Variants in DCC observed in about 807,000 individuals in gnomAD.
DCC encodes netrin receptor DCC.
In DCC, 58 loss-of-function variants were observed where a neutral mutation model predicts 172.5. The ratio of observed to expected loss-of-function variants is 0.34; its 90% confidence interval spans 0.27 to 0.42. DCC has a LOEUF of 0.42. Among genes scored for constraint, DCC ranks in the 10% least tolerant of loss-of-function variants. The pLI is 1.00. For missense variants in DCC, 1,740 were observed against 1,791.0 expected, an observed-to-expected ratio of 0.97 and a Z score of 0.51; for synonymous variants, 709 against 644.5, an observed-to-expected ratio of 1.10 and a Z score of -1.52.
chr18:52,725,773 T>C (rs919053950), intron 1 of DCC, among the ~76,000 whole-genome samples: 3 of 152,136 alleles, frequency 2.0e-5, no homozygotes, highest in Admixed American at 2.0e-4. Context: ...GATAAGGCAA[T>C]TGAGATAGGA....
intron 2 of DCC, among the ~76,000 whole-genome samples, chr18:52,828,242 T>G (rs1473487191): frequency 1.3e-5 from 2 of 152,304 alleles, no homozygotes; most frequent in South Asian, 4.1e-4. Flanking sequence ...GAGATTGTTG[T>G]GGGAAACAAA....
chr18:53,368,411 T>G (rs1195974371), intron 15 of DCC, among the ~76,000 whole-genome samples: 1 of 152,152 alleles, frequency 6.6e-6, no homozygotes, highest in African/African-American at 2.4e-5. Flanking sequence ...TGGTACTTTA[T>G]TTTGATGTAC....
At chr18:52,658,894 C>T (rs1456873075) in intron 1 of DCC, among the ~76,000 whole-genome samples, 1 of 102,692 alleles carries the variant, frequency 9.7e-6, no homozygotes, top group African/African-American at 3.7e-5. Flanking sequence ...AATGTTTTTA[C>T]CTTTGATCCC....
intron 3 of DCC, among the ~76,000 whole-genome samples, chr18:52,913,483 C>G (rs1401406344): frequency 6.6e-6 from 1 of 152,018 alleles, no homozygotes; most frequent in Admixed American, 6.6e-5. Context: ...ATCTCCCCCT[C>G]AGCAAATCAA....
intron 1 of DCC, among the ~76,000 whole-genome samples, chr18:52,580,491 G>A (rs900517346): frequency 5.3e-5 from 8 of 152,158 alleles, no homozygotes; most frequent in Non-Finnish European, 7.3e-5. Context: ...GAGAAACCTC[G>A]CCACAGGGAC....
intron 20 of DCC, among the ~76,000 whole-genome samples, chr18:53,411,714 A>G (rs1275175863): frequency 2.0e-5 from 3 of 152,150 alleles, no homozygotes; most frequent in African/African-American, 7.2e-5. Context: ...ACAACACACA[A>G]GCAAGCATTC....
At chr18:52,869,921 A>T (rs1287395982) in intron 2 of DCC, among the ~76,000 whole-genome samples, 1 of 152,126 alleles carries the variant, frequency 6.6e-6, no homozygotes, top group Non-Finnish European at 1.5e-5. Flanking sequence ...GAGTGCAGAG[A>T]CACCTGGGTC....
intron 5 of DCC, among the ~76,000 whole-genome samples, chr18:52,973,251 A>G (rs1490585892): frequency 6.6e-6 from 1 of 152,184 alleles, no homozygotes; most frequent in Non-Finnish European, 1.5e-5. Flanking sequence ...CATGTTTAAT[A>G]ACTTTAGTTA....
intron 10 of DCC, among the ~76,000 whole-genome samples, chr18:53,206,328 A>G (rs2055634780): frequency 1.2e-5 from 1 of 84,712 alleles, no homozygotes; most frequent in African/African-American, 4.8e-5. Context: ...TATGTATTGT[A>G]ACACATATAT....
At chr18:53,054,245 A>G (rs961588006) in intron 5 of DCC, among the ~76,000 whole-genome samples, 3 of 151,942 alleles carry the variant, frequency 2.0e-5, no homozygotes, top group Admixed American at 2.0e-4. Context: ...AGTCGGTTGA[A>G]TCCTTGACTG....
chr18:53,446,604 G>A (rs1912626491), intron 22 of DCC, among the ~76,000 whole-genome samples: 1 of 152,092 alleles, frequency 6.6e-6, no homozygotes, highest in Non-Finnish European at 1.5e-5. Context: ...CTCATTACTT[G>A]CAGAATCTGA....
chr18:53,345,545 A>G (rs1045062175), intron 15 of DCC, among the ~76,000 whole-genome samples: 2 of 152,152 alleles, frequency 1.3e-5, no homozygotes, highest in Admixed American at 6.6e-5. Context: ...ATTTACCCAG[A>G]TATATGACAT....
At chr18:52,591,752 T>A (rs1024189781) in intron 1 of DCC, among the ~76,000 whole-genome samples, 1 of 133,544 alleles carries the variant, frequency 7.5e-6, no homozygotes, top group East Asian at 1.9e-4. Flanking sequence ...CTGGCTACTT[T>A]TTTTCTTTTT....
intron 11 of DCC, among the ~76,000 whole-genome samples, chr18:53,210,651 CTG>C (rs776248230): frequency 6.6e-6 from 1 of 152,060 alleles, no homozygotes. Flanking sequence ...TAATATATGA[CTG>C]TGTCTAAATG....
At chr18:52,710,586 G>T (rs1438476471) in intron 1 of DCC, among the ~76,000 whole-genome samples, 2 of 152,142 alleles carry the variant, frequency 1.3e-5, no homozygotes, top group African/African-American at 2.4e-5. Context: ...GTTCATTATA[G>T]TCCTTCTGGT....
At chr18:52,648,124 G>A (rs1797607144) in intron 1 of DCC, among the ~76,000 whole-genome samples, 1 of 152,178 alleles carries the variant, frequency 6.6e-6, no homozygotes, top group Non-Finnish European at 1.5e-5. Flanking sequence ...CATCTGGGGT[G>A]TTACTTAGAT....
At chr18:53,277,208 G>A (rs867776016) in intron 12 of DCC, among the ~76,000 whole-genome samples, 2 of 152,068 alleles carry the variant, frequency 1.3e-5, no homozygotes, top group Non-Finnish European at 2.9e-5. Flanking sequence ...GATAGCTCAC[G>A]CCTATAATCT....
intron 13 of DCC, among the ~76,000 whole-genome samples, chr18:53,316,480 T>C (rs1303415472): frequency 6.6e-6 from 1 of 152,090 alleles, no homozygotes; most frequent in Non-Finnish European, 1.5e-5. Flanking sequence ...TTTTTTTTTT[T>C]CTAATTCTGT....
chr18:52,400,442 C>T (rs888822894), intron 1 of DCC, among the ~76,000 whole-genome samples: 16 of 152,050 alleles, frequency 1.1e-4, no homozygotes, highest in African/African-American at 3.9e-4. Flanking sequence ...AGTCAGGAAA[C>T]AACAGATGCT....
Sources: allele counts gnomAD v4.1 joint callset (sites outside exome capture counted in the v4.1 genomes callset), GRCh38; gene constraint gnomAD v4.1.1; transcripts MANE v1.5; gene names NCBI Gene and HGNC (gene_info 2026-07-23, HGNC 2026-07-21).